Variants in MBNL1 observed in about 807,000 individuals in gnomAD.
The protein encoded by MBNL1 is muscleblind-like protein 1.
A neutral mutation model predicts 42.2 loss-of-function variants in MBNL1; 8 were observed. The ratio of observed to expected loss-of-function variants is 0.19; its 90% confidence interval spans 0.11 to 0.34. The LOEUF is 0.34. Ranked by LOEUF, MBNL1 falls within the 10% of genes least tolerant of loss-of-function variation. The probability of loss-of-function intolerance (pLI) is 1.00; values close to 1 mark genes in which losing one functional copy is unlikely to be tolerated. For synonymous variants in MBNL1, 169 were observed against 173.9 expected, an observed-to-expected ratio of 0.97 and a Z score of 0.22; for missense variants, 309 against 495.3, an observed-to-expected ratio of 0.62 and a Z score of 3.57.
intron 2 of MBNL1, among the ~76,000 whole-genome samples, chr3:152,349,626 A>G (rs1334729833): frequency 6.6e-6 from 1 of 152,148 alleles, no homozygotes; most frequent in Non-Finnish European, 1.5e-5. Flanking sequence ...TAATAATAAG[A>G]AAGTATTTAG....
chr3:152,312,187 G>A (rs1392204738), intron 2 of MBNL1, among the ~76,000 whole-genome samples: 1 of 118,144 alleles, frequency 8.5e-6, no homozygotes, highest in Non-Finnish European at 1.6e-5. Flanking sequence ...GCGAGACTCC[G>A]TCTCAAAAAA....
chr3:152,252,872 C>T (rs1044924902), intron 2 of MBNL1, among the ~76,000 whole-genome samples: 3 of 151,962 alleles, frequency 2.0e-5, no homozygotes, highest in Non-Finnish European at 4.4e-5. Context: ...TATTCCTGCC[C>T]CCAGTACTTC....
intron 2 of MBNL1, among the ~76,000 whole-genome samples, chr3:152,413,270 C>G (rs972366365): frequency 6.6e-6 from 1 of 152,164 alleles, no homozygotes; most frequent in African/African-American, 2.4e-5. Flanking sequence ...TTTAAAAAAT[C>G]ATCTTCATAC....
chr3:152,257,395 C>T (rs1181016280), intron 2 of MBNL1, among the ~76,000 whole-genome samples: 1 of 152,062 alleles, frequency 6.6e-6, no homozygotes, highest in Non-Finnish European at 1.5e-5. Context: ...TTATGATCAC[C>T]CTTCAGAAGA....
chr3:152,357,062 C>T (rs1278957133), intron 2 of MBNL1, among the ~76,000 whole-genome samples: 3 of 152,092 alleles, frequency 2.0e-5, no homozygotes, highest in Non-Finnish European at 4.4e-5. Context: ...TCACTTTACT[C>T]ATTTTCTCAA....
chr3:152,428,030 T>G (rs1192641708), intron 3 of MBNL1, among the ~76,000 whole-genome samples: 1 of 151,906 alleles, frequency 6.6e-6, no homozygotes, highest in Non-Finnish European at 1.5e-5. Flanking sequence ...ACTACATTAC[T>G]GAAACTTAGA....
intron 2 of MBNL1, among the ~76,000 whole-genome samples, chr3:152,412,480 G>C (rs1012878332): frequency 2.6e-5 from 4 of 152,058 alleles, no homozygotes; most frequent in African/African-American, 9.7e-5. Flanking sequence ...TAGGAACACA[G>C]CTTTTTGAAA....
At chr3:152,451,247 T>G (rs184380331) in intron 6 of MBNL1, among the ~76,000 whole-genome samples, 1 of 152,330 alleles carries the variant, frequency 6.6e-6, no homozygotes, top group Admixed American at 6.5e-5. Flanking sequence ...TAGAGTAGTT[T>G]GCTGGCAAAA....
intron 1 of MBNL1, among the ~76,000 whole-genome samples, chr3:152,280,196 T>C (rs777766380): frequency 2.6e-5 from 4 of 152,046 alleles, no homozygotes; most frequent in Non-Finnish European, 5.9e-5. Flanking sequence ...TAATTTCCAG[T>C]ATAGTGATAG....
Position 152,432,906 on chromosome 3 carries a change from A to G in MBNL1, c.535A>G (p.Thr179Ala). The G allele has an allele frequency of 1.2e-6, 2 of 1,613,004 alleles. No homozygotes were observed. The highest frequency in any genetic ancestry group is 1.7e-6 in the Non-Finnish European group (2 of 1,179,036). ...AAAAAQKLMR[T>A]DRLEVCREYQ... Reference sequence around the variant, plus strand: ...AGCTGCTGCACAGAAATTAATGCGAACAGACAGACTTGAGGTAGGAATGAC... The same window carrying G: ...AGCTGCTGCACAGAAATTAATGCGAGCAGACAGACTTGAGGTAGGAATGAC... The change falls in exon 4 of 10, where the codon ACA becomes GCA. Residue 179 changes from threonine (T) to alanine (A), a missense_variant. Coordinates refer to ENST00000324210, the MANE Select transcript of MBNL1 (RefSeq NM_021038.5).
In MBNL1 at chr3:152,432,833, A is replaced by G; in HGVS notation, c.462A>G (p.Pro154=). 1.9e-6 allele frequency: 3 copies of G among 1,614,180 alleles called. No individual in the cohort carries two copies. Among genetic ancestry groups the G allele is most frequent in the South Asian group, 1.1e-5 (1 of 91,082 alleles). Residue 154 remains proline (P), a synonymous_variant, in exon 4 of 10, where the codon CCA becomes CCG. Transcript: ENST00000324210. ...CGGCAGAGATCTTGCCGACTGCACC[A>G]ATGTTGGTTACAGGGAATCCGGGTG... ...LVPAEILPTA[P]MLVTGNPGVP...
intron 9 of MBNL1, among the ~76,000 whole-genome samples, chr3:152,459,680 C>T (rs1346868244): frequency 6.6e-6 from 1 of 151,888 alleles, no homozygotes; most frequent in Non-Finnish European, 1.5e-5. Flanking sequence ...AGTATTTTTG[C>T]TGTGTGGGCC....
chr3:152,335,086 A>C lies in MBNL1; in HGVS notation c.174+34719A>C, dbSNP rs573201320. The C allele has an allele frequency of 3.9e-6, 5 of 1,272,768 alleles. No homozygotes were observed. In the African/African-American group the frequency reaches 6.1e-5, roughly 16 times the overall value. 78.8% of individuals were successfully genotyped at this position (1,272,768 alleles called of 1,614,324 possible). A position where few individuals can be genotyped will look rare whatever the true frequency, so the allele number is the denominator to read the frequency against. On this transcript the variant is annotated intron_variant, in intron 2 of 9. Coordinates refer to ENST00000324210, the MANE Select transcript of MBNL1 (RefSeq NM_021038.5). ...GGGAAGGAAAAGTGGCTGACCTGGC[A>C]TATCCATTACTCTTGGTGCTGCAGC...
At chr3:152,418,719 T>A (rs2098746543) in intron 3 of MBNL1, among the ~76,000 whole-genome samples, 1 of 147,962 alleles carries the variant, frequency 6.8e-6, no homozygotes, top group Non-Finnish European at 1.5e-5. Context: ...ACAATCTTTT[T>A]TTTTTTTTTT....
At chr3:152,339,091 T>C (rs996640918) in intron 2 of MBNL1, among the ~76,000 whole-genome samples, 3 of 152,194 alleles carry the variant, frequency 2.0e-5, no homozygotes, top group Admixed American at 6.5e-5. Context: ...GAATATATCT[T>C]CAAATTCTTC....
chr3:152,441,024 A>G (rs1391834562), intron 4 of MBNL1, among the ~76,000 whole-genome samples: 1 of 152,230 alleles, frequency 6.6e-6, no homozygotes, highest in Non-Finnish European at 1.5e-5. Flanking sequence ...TAAAATGGAC[A>G]AAGTCCCTGT....
At chr3:152,423,504 A>G (rs550965746) in intron 3 of MBNL1, among the ~76,000 whole-genome samples, 74 of 152,354 alleles carry the variant, frequency 4.9e-4, no homozygotes, top group Admixed American at 1.4e-3. Context: ...TACCAGAGGT[A>G]CAAAGAGGAG....
chr3:152,318,695 C>G (rs148945559), intron 2 of MBNL1, among the ~76,000 whole-genome samples: 2 of 152,222 alleles, frequency 1.3e-5, no homozygotes, highest in African/African-American at 4.8e-5. Flanking sequence ...TTGATGGATT[C>G]AAACCACTGG....
chr3:152,438,152 G>A (rs897582289), intron 4 of MBNL1, among the ~76,000 whole-genome samples: 1 of 152,080 alleles, frequency 6.6e-6, no homozygotes, highest in African/African-American at 2.4e-5. Flanking sequence ...ATTTTTTATG[G>A]TGCAAAAAGA....
Sources: gnomAD v4.1 joint callset for allele counts (sites outside exome capture counted in the v4.1 genomes callset) on GRCh38, gnomAD v4.1.1 for gene constraint, MANE v1.5 for transcripts, NCBI Gene and HGNC (gene_info 2026-07-23, HGNC 2026-07-21) for gene names.